EFNB2: variants seen among roughly 807,000 people sequenced by gnomAD.
EFNB2 encodes the protein ephrin-B2.
Under a neutral mutation model 32.1 loss-of-function variants are expected in EFNB2, and 5 were observed. The observed-to-expected ratio is 0.16, with a 90% confidence interval of 0.08 to 0.33. EFNB2 has a LOEUF of 0.33. Ranked by LOEUF, EFNB2 falls within the 10% of genes least tolerant of loss-of-function variation. EFNB2 has a pLI of 1.00. For synonymous variants in EFNB2, 168 were observed against 166.5 expected, an observed-to-expected ratio of 1.01 and a Z score of -0.07; for missense variants, 263 against 422.6, an observed-to-expected ratio of 0.62 and a Z score of 3.31.
Position 106,493,464 on chromosome 13 carries a change from T to TA in EFNB2, c.614-37dup. 6.3e-7 allele frequency: 1 copy of TA among 1,578,620 alleles called. No homozygotes were observed. The highest frequency in any genetic ancestry group is 8.6e-7 in the Non-Finnish European group (1 of 1,160,096). ...GGAGACAGAAAAGGTCAGAGATAGT[T>TA]ACTGCTGTCCCAGTGCAGACGGACT... On this transcript the variant is annotated intron_variant, in intron 4 of 4. Coordinates refer to ENST00000646441, the MANE Select transcript of EFNB2 (RefSeq NM_004093.4). This position sits in a 1 kb window ranked among gnomAD's most constrained non-coding sequence, Gnocchi z 6.1.
chr13:106,532,403 C>T (rs1056167112), intron 1 of EFNB2, among the ~76,000 whole-genome samples: 1 of 152,298 alleles, frequency 6.6e-6, no homozygotes. Context: ...TTCCACAGTT[C>T]ATAGGAACTG....
At chr13:106,498,657 C>G (rs562111541) in intron 2 of EFNB2, among the ~76,000 whole-genome samples, 1 of 151,960 alleles carries the variant, frequency 6.6e-6, no homozygotes, top group East Asian at 1.9e-4. Context: ...TTTTTTATTT[C>G]TTGGTTTAAA....
intron 1 of EFNB2, among the ~76,000 whole-genome samples, chr13:106,527,064 C>T (rs1236991718): frequency 6.6e-6 from 1 of 152,152 alleles, no homozygotes; most frequent in African/African-American, 2.4e-5. Flanking sequence ...AACATGTTGA[C>T]TCTAGTGGTT....
intron 2 of EFNB2, among the ~76,000 whole-genome samples, chr13:106,508,277 T>C (rs9514543): frequency 0.53 from 79,842 of 151,890 alleles, 21,419 homozygotes; most frequent in Non-Finnish European, 0.57. Flanking sequence ...AACTGGAGCA[T>C]TTAGTAAGTC....
chr13:106,495,395 C>CA (rs1878553285), intron 3 of EFNB2, among the ~76,000 whole-genome samples: 1 of 152,170 alleles, frequency 6.6e-6, no homozygotes, highest in South Asian at 2.1e-4. Flanking sequence ...CAGAAATGAG[C>CA]AAAACTGCAC....
At chr13:106,507,676 T>C (rs2138915160) in intron 2 of EFNB2, among the ~76,000 whole-genome samples, 1 of 152,120 alleles carries the variant, frequency 6.6e-6, no homozygotes, top group Non-Finnish European at 1.5e-5. Context: ...ATGAGGGCCC[T>C]AAGAAATGGC....
At chr13:106,526,348 G>GGT in intron 1 of EFNB2, among the ~76,000 whole-genome samples, 1 of 152,328 alleles carries the variant, frequency 6.6e-6, no homozygotes, top group East Asian at 1.9e-4. Flanking sequence ...AAATGAAGAA[G>GGT]GTGTGTCCCT....
chr13:106,528,981 C>T (rs1309082486), intron 1 of EFNB2, among the ~76,000 whole-genome samples: 1 of 152,202 alleles, frequency 6.6e-6, no homozygotes, highest in Non-Finnish European at 1.5e-5. Context: ...GTAGAGCCCA[C>T]TGCTTTTGGC....
At chr13:106,531,102 C>A (rs966298240) in intron 1 of EFNB2, among the ~76,000 whole-genome samples, 1 of 152,174 alleles carries the variant, frequency 6.6e-6, no homozygotes, top group Non-Finnish European at 1.5e-5. Flanking sequence ...GCAGAACCAG[C>A]GTCAACAGCT....
chr13:106,495,811 C>T lies in EFNB2; in HGVS notation c.436G>A (p.Asp146Asn). 6.2e-7 allele frequency: 1 copy of T among 1,613,952 alleles called. No homozygotes were observed. Among genetic ancestry groups the T allele is most frequent in the Non-Finnish European group, 8.5e-7 (1 of 1,179,974 alleles). The change falls in exon 3 of 5, where the codon GAT becomes AAT. Residue 146 changes from aspartate to asparagine, a missense_variant. Physicochemically the swap from Asp to Asn is conservative, Grantham distance 23. Around this residue, in one of 3 missense-constraint regions of EFNB2, gnomAD observed 45 missense variants for 128.6 expected, o/e 0.35. Coordinates refer to ENST00000646441, the MANE Select transcript of EFNB2 (RefSeq NM_004093.4). ...TGGCACACCCCTCCCTCCTGGTTAT[C>T]CAGGCCCTCCAAAGACCCATTTGAT... is the stretch of plus-strand genomic sequence containing the variant. ...STSNGSLEGLDNQEGGVCQTR... is the reference protein window; with the variant it reads ...STSNGSLEGLNNQEGGVCQTR...
intron 1 of EFNB2, among the ~76,000 whole-genome samples, chr13:106,529,432 A>G (rs1248798754): frequency 1.3e-5 from 2 of 152,200 alleles, no homozygotes; most frequent in East Asian, 3.9e-4. Flanking sequence ...CAATCTATAA[A>G]AAAGGCAGTC....
chr13:106,511,748 G>A (rs1879146188), intron 2 of EFNB2, among the ~76,000 whole-genome samples: 2 of 152,124 alleles, frequency 1.3e-5, no homozygotes, highest in South Asian at 2.1e-4. Flanking sequence ...AGCTGTCTGA[G>A]TCACCTAGAC....
chr13:106,497,005 A>C (rs1359260674), intron 2 of EFNB2, among the ~76,000 whole-genome samples: 1 of 152,210 alleles, frequency 6.6e-6, no homozygotes, highest in East Asian at 1.9e-4. Flanking sequence ...GTACTTTGCA[A>C]GGGACTGAAA....
At chr13:106,504,679 A>C (rs971723165) in intron 2 of EFNB2, among the ~76,000 whole-genome samples, 6 of 152,200 alleles carry the variant, frequency 3.9e-5, no homozygotes, top group Non-Finnish European at 7.3e-5. Flanking sequence ...TGCAAAGCAC[A>C]ACTGTCACCC....
At chr13:106,531,715 C>T (rs1879877086) in intron 1 of EFNB2, among the ~76,000 whole-genome samples, 1 of 152,152 alleles carries the variant, frequency 6.6e-6, no homozygotes, top group South Asian at 2.1e-4. Flanking sequence ...TATCATCCAG[C>T]CATTCTTTTG....
chr13:106,531,015 A>C lies in EFNB2; in HGVS notation c.122+3828T>G, dbSNP rs559873195. On this transcript the variant is annotated intron_variant, in intron 1 of 4. Transcript: ENST00000646441. Reference sequence around the variant, plus strand: ...CAAGCTGGTCTCCAGGCCCATGGCGAATTCACCTGTCCACACACTTTAGCT... The same window carrying C: ...CAAGCTGGTCTCCAGGCCCATGGCGCATTCACCTGTCCACACACTTTAGCT... 2.3e-4 allele frequency among the ~76,000 whole-genome samples: 35 copies of C among 152,378 alleles called. No individual in the cohort carries two copies. In the South Asian group the frequency reaches 4.3e-3, roughly 19 times the overall value.
intron 1 of EFNB2, among the ~76,000 whole-genome samples, chr13:106,533,113 A>AAC (rs1879935555): frequency 6.6e-6 from 1 of 150,972 alleles, no homozygotes; most frequent in African/African-American, 2.4e-5. Flanking sequence ...AAAAAAAAAA[A>AAC]CAGCCTCAAA....
chr13:106,533,015 TAA>T (rs1879932071), intron 1 of EFNB2, among the ~76,000 whole-genome samples: 1 of 150,844 alleles, frequency 6.6e-6, no homozygotes, highest in South Asian at 2.1e-4. Flanking sequence ...AGCGCAAAGA[TAA>T]AGATACACAC....
Position 106,491,953 on chromosome 13 carries a change from TC to T in EFNB2, c.*1086del, listed in dbSNP as rs1451087934. On this transcript the variant is annotated 3_prime_UTR_variant, in exon 5 of 5. Transcript: ENST00000646441. ...AAAATCATCCAAAGCAGACCGACTC[TC>T]CTACAGCTCGGAGCTGTGTATCTTA... The T allele has an allele frequency of 1.3e-5, 2 of 152,606 alleles. No individual in the cohort carries two copies. Among genetic ancestry groups the T allele is most frequent in the Non-Finnish European group, 2.9e-5 (2 of 68,056 alleles). 9.5% of individuals were successfully genotyped at this position (152,606 alleles called of 1,614,324 possible). A position where few individuals can be genotyped will look rare whatever the true frequency, so the allele number is the denominator to read the frequency against.
Sources: allele counts gnomAD v4.1 joint callset (sites outside exome capture counted in the v4.1 genomes callset), GRCh38; gene constraint gnomAD v4.1.1; regional missense constraint gnomAD v4.1.1; non-coding constraint Gnocchi (gnomAD v3.1); transcripts MANE v1.5; gene names NCBI Gene and HGNC (gene_info 2026-07-23, HGNC 2026-07-21).